The following PHF21B variants were observed in gnomAD, a reference collection of about 807,000 sequenced individuals.
PHF21B encodes PHD finger protein 4.
Under a neutral mutation model 62.2 loss-of-function variants are expected in PHF21B, and 22 were observed. The observed-to-expected ratio is 0.35, with a 90% CI of 0.25 to 0.51. The LOEUF (loss-of-function observed/expected upper bound fraction) is 0.51, where lower values mean the gene tolerates loss of function less well. Ranked by LOEUF, PHF21B falls within the 20% of genes least tolerant of loss-of-function variation. The pLI, the probability that PHF21B is intolerant of heterozygous loss-of-function variation, is 0.97. For missense variants in PHF21B, 701 were observed against 707.9 expected (o/e 0.99, Z 0.11); for synonymous variants, 341 against 314.7 (o/e 1.08, Z -0.88).
chr22:44,896,173 C>T (rs3752468), intron 5 of PHF21B, 90 bp from the exon 6 acceptor site: 85 of 1,442,526 alleles, frequency 5.9e-5, no homozygotes, highest in East Asian at 3.2e-4. Flanking sequence ...AGGTGCAGGG[C>T]GATACCTCAT....
At chr22:44,917,280 G>A (rs1225680406) in intron 3 of PHF21B, among the ~76,000 whole-genome samples, 2 of 152,226 alleles carry the variant, frequency 1.3e-5, no homozygotes, top group Non-Finnish European at 2.9e-5. Context: ...AACTGGGCCA[G>A]GTCCCTCATC....
intron 2 of PHF21B, among the ~76,000 whole-genome samples, chr22:44,960,921 C>T (rs1272920554): frequency 1.3e-5 from 2 of 149,484 alleles, no homozygotes; most frequent in Admixed American, 6.7e-5. Context: ...GATCCTGGGA[C>T]TTGAGGATCT....
At chr22:44,993,418 C>G (rs1350272329) in intron 2 of PHF21B, among the ~76,000 whole-genome samples, 2 of 152,226 alleles carry the variant, frequency 1.3e-5, no homozygotes, top group East Asian at 3.8e-4. Flanking sequence ...ACCACAGCGG[C>G]ACCGGCTCCA....
rs564960468 is a variant in PHF21B, at chr22:45,006,296, T to C, written c.120+2249A>G. 1.3e-4 allele frequency among the ~76,000 whole-genome samples: 20 copies of C among 152,354 alleles called. No homozygotes were observed. In the East Asian group the frequency reaches 2.1e-3, roughly 16 times the overall value. On this transcript the variant is annotated intron_variant, in intron 2 of 12. Coordinates refer to ENST00000313237, the MANE Select transcript of PHF21B (RefSeq NM_138415.5). ...CAAATCCTGGCTGCTTACCCAATGTTGTTTAGTCATTTAAAAGGGAAACAT... is the reference window on the plus strand; with the variant it reads ...CAAATCCTGGCTGCTTACCCAATGTCGTTTAGTCATTTAAAAGGGAAACAT...
In PHF21B at chr22:45,009,541, C is replaced by T. The variant is rs1188241979; in HGVS notation, c.9G>A (p.Leu3=). Residue 3 remains leucine (L), a synonymous_variant, in exon 1 of 13, where the codon CTG becomes CTA. Transcript: ENST00000313237. The surrounding 1 kb of genome is among the most constrained non-coding windows in gnomAD (Gnocchi z 5.9). ME[L]QSRPEALAVE... ...CGGCGAGCGCCTCGGGCCGGCTCTG[C>T]AGCTCCATCCCGGCAACTTGGGCAG... 1 of 1,574,152 alleles carries T rather than the reference C, an allele frequency of 6.4e-7. No homozygotes were observed. The highest frequency in any genetic ancestry group is 8.5e-7 in the Non-Finnish European group (1 of 1,169,726).
intron 2 of PHF21B, among the ~76,000 whole-genome samples, chr22:44,934,484 G>GACT (rs771784932): frequency 3.5e-3 from 536 of 152,296 alleles, no homozygotes; most frequent in Non-Finnish European, 5.8e-3. Flanking sequence ...GAGAGGGACA[G>GACT]TCTAGAGGTA....
intron 2 of PHF21B, among the ~76,000 whole-genome samples, chr22:44,967,717 CTG>C (rs2072556438): frequency 6.6e-6 from 1 of 152,196 alleles, no homozygotes; most frequent in Admixed American, 6.5e-5. Context: ...GAAGTCCACA[CTG>C]TGTTCAGGCT....
At chr22:44,883,495 G>A (rs987672885) in intron 12 of PHF21B, among the ~76,000 whole-genome samples, 191 bp from the exon 13 acceptor site, 1 of 152,176 alleles carries the variant, frequency 6.6e-6, no homozygotes. Context: ...GATGATGCTC[G>A]CTTTGGAACT....
chr22:44,957,758 T>C (rs1051518494), intron 2 of PHF21B, among the ~76,000 whole-genome samples: 5 of 152,204 alleles, frequency 3.3e-5, no homozygotes, highest in Non-Finnish European at 7.3e-5. Context: ...TCTGCTGTTT[T>C]TCTGGGCTTA....
In PHF21B at chr22:44,881,292, A is replaced by C. The variant is rs2070738183; in HGVS notation, c.*1794T>G. ...TCCTTGGTCCAAAAAAAACCTAACA[A>C]TCTCAAGACACATCGGCAGCTACCC... is the stretch of plus-strand genomic sequence containing the variant. On this transcript the variant is annotated 3_prime_UTR_variant, in exon 13 of 13. Coordinates refer to ENST00000313237, the MANE Select transcript of PHF21B (RefSeq NM_138415.5). 2 of 152,620 alleles carry C rather than the reference A, an allele frequency of 1.3e-5. No individual in the cohort carries two copies. Among genetic ancestry groups the C allele is most frequent in the African/African-American group, 4.8e-5 (2 of 41,436 alleles). 9.5% of individuals were successfully genotyped at this position (152,620 alleles called of 1,614,324 possible).
chr22:44,963,113 T>C (rs539973263), intron 2 of PHF21B, among the ~76,000 whole-genome samples: 1 of 152,186 alleles, frequency 6.6e-6, no homozygotes, highest in Non-Finnish European at 1.5e-5. Flanking sequence ...AGAATCAAGA[T>C]CTCAGCTTCT....
intron 8 of PHF21B, 44 bp from the exon 9 acceptor site, chr22:44,889,826 G>C: frequency 6.5e-7 from 1 of 1,533,426 alleles, no homozygotes; most frequent in Non-Finnish European, 8.7e-7. Flanking sequence ...GTGGCCGTCA[G>C]AGGAGCACAG....
At chr22:44,961,722 TC>T (rs1315688360) in intron 2 of PHF21B, among the ~76,000 whole-genome samples, 1 of 151,886 alleles carries the variant, frequency 6.6e-6, no homozygotes, top group Non-Finnish European at 1.5e-5. Context: ...ACCCCTGTAA[TC>T]CCAGCTATTC....
At chr22:44,980,787 C>T (rs2072827159) in intron 2 of PHF21B, among the ~76,000 whole-genome samples, 1 of 152,176 alleles carries the variant, frequency 6.6e-6, no homozygotes, top group Admixed American at 6.5e-5. Context: ...TCTGCCCGCC[C>T]CAGGAAGCCG....
chr22:44,929,041 C>T (rs958692880), intron 2 of PHF21B, among the ~76,000 whole-genome samples: 3 of 152,248 alleles, frequency 2.0e-5, no homozygotes, highest in Non-Finnish European at 4.4e-5. Flanking sequence ...CCACATGGCC[C>T]AGCCGCCACG....
chr22:44,887,916 G>T lies in PHF21B; in HGVS notation c.1197+47C>A, dbSNP rs535200078. ...CTGCCCTGTCTCTGCCTACGGTGGG[G>T]ACCTCCATGCCAGTCTGGGGTGAGG... is the stretch of plus-strand genomic sequence containing the variant. On this transcript the variant is annotated intron_variant, in intron 10 of 12. Coordinates refer to ENST00000313237, the MANE Select transcript of PHF21B (RefSeq NM_138415.5). 58 of 1,387,534 alleles carry T rather than the reference G, an allele frequency of 4.2e-5. No individual in the cohort carries two copies. The South Asian group carries it at 8.8e-4, about 21-fold the overall frequency. The allele number at this position is 1,387,534 out of a possible 1,614,324, so 86.0% of individuals were successfully genotyped here.
intron 5 of PHF21B, among the ~76,000 whole-genome samples, chr22:44,908,437 A>G (rs1432642735): frequency 6.6e-6 from 1 of 152,062 alleles, no homozygotes; most frequent in African/African-American, 2.4e-5. Flanking sequence ...AGCTACTGAA[A>G]TATTTCTCCC....
At chr22:44,903,771 T>C (rs1379739157) in intron 5 of PHF21B, among the ~76,000 whole-genome samples, 1 of 152,266 alleles carries the variant, frequency 6.6e-6, no homozygotes, top group Non-Finnish European at 1.5e-5. Context: ...ATTATCTTGA[T>C]GGATGTACCT....
At chr22:44,884,761 TTACC>T (rs2070823582) in intron 12 of PHF21B, among the ~76,000 whole-genome samples, 1 of 108,366 alleles carries the variant, frequency 9.2e-6, no homozygotes, top group Non-Finnish European at 2.1e-5. Context: ...ACCACCATCA[TTACC>T]ACCATCACCA....
Sources: gnomAD v4.1 joint callset for allele counts (sites outside exome capture counted in the v4.1 genomes callset) on GRCh38, gnomAD v4.1.1 for gene constraint, Gnocchi (gnomAD v3.1) non-coding constraint, MANE v1.5 for transcripts, NCBI Gene and HGNC (gene_info 2026-07-23, HGNC 2026-07-21) for gene names.